The following GPC6 variants were observed in gnomAD, a reference collection of about 807,000 sequenced individuals.
The protein encoded by GPC6 is glypican 6.
A neutral mutation model predicts 55.2 loss-of-function variants in GPC6; 14 were observed. That is an observed-to-expected ratio of 0.25 (90% CI 0.17 to 0.40). GPC6 has a LOEUF of 0.40. GPC6 is among the 10% of genes least tolerant of loss of function. The pLI, the probability that GPC6 is intolerant of heterozygous loss-of-function variation, is 1.00. For synonymous variants in GPC6, 278 were observed against 259.6 expected, an observed-to-expected ratio of 1.07 and a Z score of -0.68; for missense variants, 641 against 708.5, an observed-to-expected ratio of 0.90 and a Z score of 1.08.
intron 3 of GPC6, among the ~76,000 whole-genome samples, chr13:93,981,020 C>T (rs1361364713): frequency 6.6e-6 from 1 of 152,146 alleles, no homozygotes; most frequent in Non-Finnish European, 1.5e-5. Flanking sequence ...TTTTCTATTA[C>T]CTCAAATATT....
At chr13:94,046,205 AT>A (rs1357828062) in intron 4 of GPC6, among the ~76,000 whole-genome samples, 1 of 151,976 alleles carries the variant, frequency 6.6e-6, no homozygotes, top group South Asian at 2.1e-4. Context: ...CTGGTTCTTG[AT>A]TTTTTTAGAA....
chr13:93,590,488 CTTA>C (rs1877412400), intron 2 of GPC6, among the ~76,000 whole-genome samples: 1 of 151,930 alleles, frequency 6.6e-6, no homozygotes, highest in African/African-American at 2.4e-5. Flanking sequence ...TAATATAATT[CTTA>C]TTGTGCCTGA....
intron 7 of GPC6, among the ~76,000 whole-genome samples, chr13:94,390,679 A>C (rs1426869919): frequency 6.6e-6 from 1 of 152,136 alleles, no homozygotes; most frequent in Non-Finnish European, 1.5e-5. Flanking sequence ...CCAACATTGG[A>C]GATTAAAATT....
intron 3 of GPC6, among the ~76,000 whole-genome samples, chr13:93,952,347 G>A (rs566910541): frequency 3.3e-5 from 5 of 152,188 alleles, no homozygotes; most frequent in African/African-American, 1.2e-4. Flanking sequence ...GGAAAGAACT[G>A]TATGAATATT....
intron 2 of GPC6, among the ~76,000 whole-genome samples, chr13:93,651,216 C>G (rs1431100641): frequency 6.6e-6 from 1 of 151,274 alleles, no homozygotes; most frequent in Non-Finnish European, 1.5e-5. Flanking sequence ...AGAAAAACCA[C>G]CTGAAGTTTT....
At chr13:93,995,161 C>CTATTTTT (rs1566639351) in intron 3 of GPC6, among the ~76,000 whole-genome samples, 1 of 144,298 alleles carries the variant, frequency 6.9e-6, no homozygotes. Context: ...TGTACTTCAA[C>CTATTTTT]TATTTTATTT....
intron 3 of GPC6, among the ~76,000 whole-genome samples, chr13:94,005,101 A>C (rs1881961582): frequency 6.6e-6 from 1 of 152,158 alleles, no homozygotes; most frequent in South Asian, 2.1e-4. Context: ...CATCAGGTAC[A>C]CATGGACTAA....
At chr13:93,595,666 A>G (rs879818541) in intron 2 of GPC6, among the ~76,000 whole-genome samples, 2 of 152,184 alleles carry the variant, frequency 1.3e-5, no homozygotes, top group Non-Finnish European at 2.9e-5. Flanking sequence ...TGTACATAAA[A>G]AGATGATGGG....
At chr13:93,421,800 G>GA (rs1419998257) in intron 1 of GPC6, among the ~76,000 whole-genome samples, 2 of 152,128 alleles carry the variant, frequency 1.3e-5, no homozygotes, top group African/African-American at 4.8e-5. Flanking sequence ...TATTGAAAAG[G>GA]AAAGTTGTTT....
intron 2 of GPC6, among the ~76,000 whole-genome samples, chr13:93,633,082 C>T (rs1594327779): frequency 6.6e-6 from 1 of 152,230 alleles, no homozygotes; most frequent in Admixed American, 6.5e-5. Flanking sequence ...TGGCAAGTCC[C>T]TTTTCTTATG....
chr13:93,633,550 C>A (rs1879562956), intron 2 of GPC6, among the ~76,000 whole-genome samples: 1 of 151,922 alleles, frequency 6.6e-6, no homozygotes, highest in Non-Finnish European at 1.5e-5. Context: ...GCAGGAGAAT[C>A]ACTTGAACCC....
At chr13:93,278,509 GA>G (rs1877839532) in intron 1 of GPC6, among the ~76,000 whole-genome samples, 1 of 152,056 alleles carries the variant, frequency 6.6e-6, no homozygotes, top group Non-Finnish European at 1.5e-5. Flanking sequence ...ATATCATAAA[GA>G]AATATTCTTA....
At chr13:94,215,622 G>C (rs749164307) in intron 4 of GPC6, among the ~76,000 whole-genome samples, 2 of 151,932 alleles carry the variant, frequency 1.3e-5, no homozygotes, top group African/African-American at 2.4e-5. Context: ...TTACATGGAG[G>C]GATCCAAGCT....
chr13:93,863,732 A>G (rs1888881596), intron 3 of GPC6, among the ~76,000 whole-genome samples: 1 of 151,630 alleles, frequency 6.6e-6, no homozygotes, highest in African/African-American at 2.4e-5. Context: ...TATGACCTAC[A>G]GTTTCCCAAT....
chr13:93,619,091 A>G (rs1484059845), intron 2 of GPC6, among the ~76,000 whole-genome samples: 3 of 152,160 alleles, frequency 2.0e-5, no homozygotes, highest in Admixed American at 2.0e-4. Flanking sequence ...ACCATCATAT[A>G]TATGATCTGT....
chr13:93,496,943 G>C (rs556547540), intron 1 of GPC6, among the ~76,000 whole-genome samples: 1 of 152,026 alleles, frequency 6.6e-6, no homozygotes, highest in Non-Finnish European at 1.5e-5. Context: ...TTTCCTTCCT[G>C]ATCTAAACAT....
chr13:93,260,547 TA>T lies in GPC6; in HGVS notation c.160+32937del, dbSNP rs774344155. Among the ~76,000 whole-genome samples the T allele has an allele frequency of 2.0e-5, 3 of 152,262 alleles. No homozygotes were observed. The East Asian group carries it at 5.8e-4, about 29-fold the overall frequency. On this transcript the variant is annotated intron_variant, in intron 1 of 8. Coordinates refer to ENST00000377047, the MANE Select transcript of GPC6 (RefSeq NM_005708.5). ...GAATGTCTGTTTTAATTGTTCAGAT[TA>T]AAAAACTACTCATGTCCTCAATTTA...
chr13:94,003,663 A>G (rs1342966512), intron 3 of GPC6, among the ~76,000 whole-genome samples: 2 of 152,206 alleles, frequency 1.3e-5, no homozygotes, highest in Non-Finnish European at 1.5e-5. Flanking sequence ...TCAAGATTCT[A>G]TGATATTACA....
At chr13:93,975,032 C>T (rs1024504014) in intron 3 of GPC6, among the ~76,000 whole-genome samples, 2 of 152,078 alleles carry the variant, frequency 1.3e-5, no homozygotes, top group African/African-American at 2.4e-5. Flanking sequence ...AAAGTATGGT[C>T]CCTGGACCAG....
Sources: gnomAD v4.1 joint callset for allele counts (sites outside exome capture counted in the v4.1 genomes callset) on GRCh38, gnomAD v4.1.1 for gene constraint, MANE v1.5 for transcripts, NCBI Gene and HGNC (gene_info 2026-07-23, HGNC 2026-07-21) for gene names.